The following OVCH1 variants were observed in gnomAD, a reference collection of about 807,000 sequenced individuals.
OVCH1 encodes the protein ovochymase 1.
A neutral mutation model predicts 138.4 loss-of-function variants in OVCH1; 139 were observed. That is an observed-to-expected ratio of 1.00 (90% confidence interval 0.87 to 1.16). The LOEUF (loss-of-function observed/expected upper bound fraction) is 1.16, where lower values mean the gene tolerates loss of function less well. Among genes scored for constraint, OVCH1 ranks in the 50% most tolerant of loss-of-function variants. OVCH1 has a pLI of 0.00. For synonymous variants in OVCH1, 453 were observed against 467.8 expected (o/e 0.97, Z 0.41); for missense variants, 1,367 against 1,357.9 (o/e 1.01, Z -0.11).
intron 26 of OVCH1, among the ~76,000 whole-genome samples, chr12:29,436,009 T>C (rs1045293041): frequency 4.5e-4 from 68 of 152,200 alleles, no homozygotes; most frequent in African/African-American, 1.5e-3. Flanking sequence ...AGACCTGTAT[T>C]TCATTTACTT....
chr12:29,421,564 T>C (rs1490630776), intron 3 of OVCH1, among the ~76,000 whole-genome samples: 3 of 152,168 alleles, frequency 2.0e-5, no homozygotes, highest in African/African-American at 4.8e-5. Flanking sequence ...TTATTGGTCA[T>C]TGTTCTTTCT....
At chr12:29,445,116 C>G (rs908878185) in intron 23 of OVCH1, among the ~76,000 whole-genome samples, 162 bp downstream of exon 23, 1 of 152,084 alleles carries the variant, frequency 6.6e-6, no homozygotes, top group Non-Finnish European at 1.5e-5. Context: ...TGGACCTGAT[C>G]AAATCTTAGG....
intron 1 of OVCH1, among the ~76,000 whole-genome samples, chr12:29,497,033 G>A (rs1185394128): frequency 2.0e-5 from 3 of 152,164 alleles, no homozygotes; most frequent in Admixed American, 2.0e-4. Context: ...CACTTTGGGA[G>A]GCCCAGGTAG....
intron 24 of OVCH1, 141 bp downstream of exon 24, chr12:29,444,004 A>G: frequency 2.3e-6 from 2 of 866,326 alleles, no homozygotes; most frequent in South Asian, 2.9e-5. Context: ...ATTAAAAGCC[A>G]TAGATTAGGG....
chr12:29,473,120 A>AG lies in OVCH1; in HGVS notation c.1601-18_1601-17insC, dbSNP rs1380498539. ...TTAAAGACTCTGTAGAAGAAAAAAA[A>AG]ATTAATTGAAAGTAATTAGAGAAGT... On this transcript the variant is annotated splice_polypyrimidine_tract_variant and intron_variant, in intron 14 of 27. Coordinates refer to ENST00000318184, the Ensembl canonical transcript of OVCH1. 1.6e-5 allele frequency: 25 copies of AG among 1,548,680 alleles called. No homozygotes were observed. Among genetic ancestry groups the AG allele is most frequent in the Middle Eastern group, 1.7e-4 (1 of 5,964 alleles).
At chr12:29,403,183 G>A in the OVCH1 span, among the ~76,000 whole-genome samples, 3 of 152,034 alleles carry the variant, frequency 2.0e-5, no homozygotes, top group Non-Finnish European at 4.4e-5. Flanking sequence ...ACAATTATTA[G>A]GCTGAATCAT....
rs770334249 is a variant in OVCH1, at chr12:29,461,955, CTCTT to C, written c.2175_2178del (p.Glu727SerfsTer18). The stretch of plus-strand genomic sequence containing the variant: ...GAATAGTAAGTGTGTTCACAGACCT[CTCTT>C]TCTAACACATGCACTTGAATCTGCT... On this transcript the variant is annotated frameshift_variant, in exon 19 of 28. Coordinates refer to ENST00000318184, the Ensembl canonical transcript of OVCH1. LOFTEE classifies it high-confidence loss of function. 1.9e-6 allele frequency: 3 copies of C among 1,613,850 alleles called. No individual in the cohort carries two copies. Among genetic ancestry groups the C allele is most frequent in the African/African-American group, 1.3e-5 (1 of 75,040 alleles).
At chr12:29,434,488 A>G (rs1941323180) in intron 26 of OVCH1, among the ~76,000 whole-genome samples, 1 of 152,110 alleles carries the variant, frequency 6.6e-6, no homozygotes, top group African/African-American at 2.4e-5. Context: ...CGATAACAAA[A>G]TTTTCCCAAT....
chr12:29,492,862 C>A (rs1199265664), intron 4 of OVCH1, among the ~76,000 whole-genome samples: 2 of 152,016 alleles, frequency 1.3e-5, no homozygotes, highest in Non-Finnish European at 2.9e-5. Flanking sequence ...AGAAAGGGTA[C>A]AATAGGGTAG....
intron 4 of OVCH1, among the ~76,000 whole-genome samples, chr12:29,492,774 A>T (rs1343680026): frequency 1.3e-5 from 2 of 152,100 alleles, no homozygotes; most frequent in African/African-American, 4.8e-5. Flanking sequence ...ACTAGAGAAT[A>T]AGATGTCCAG....
Position 29,476,198 on chromosome 12 carries a change from C to T in OVCH1, c.1471+8G>A, listed in dbSNP as rs146086068. On this transcript the variant is annotated splice_region_variant and intron_variant, in intron 13 of 27. Coordinates refer to ENST00000318184, the Ensembl canonical transcript of OVCH1. ...CACTTTCATATTTAAAGGGTGAAGTCTACCTACCTAACTTGTGCTTTTCTT... is the reference window on the plus strand; with the variant it reads ...CACTTTCATATTTAAAGGGTGAAGTTTACCTACCTAACTTGTGCTTTTCTT... 2.5e-6 allele frequency: 4 copies of T among 1,603,588 alleles called. No homozygotes were observed. In the African/African-American group the frequency reaches 5.3e-5, roughly 21 times the overall value.
downstream of OVCH1, among the ~76,000 whole-genome samples, chr12:29,409,008 G>T (rs974907576): frequency 5.3e-5 from 8 of 152,104 alleles, no homozygotes; most frequent in Admixed American, 3.9e-4. Context: ...TCTATTCAGA[G>T]ATTCAACTTC....
downstream of OVCH1, among the ~76,000 whole-genome samples, chr12:29,412,140 G>A (rs1483618586): frequency 4.6e-5 from 7 of 152,110 alleles, no homozygotes; most frequent in South Asian, 2.1e-4. Flanking sequence ...CTGGTGCGCC[G>A]TTTTTTAAGC....
intron 22 of OVCH1, among the ~76,000 whole-genome samples, chr12:29,449,408 G>A (rs1180990555): frequency 2.0e-5 from 3 of 151,802 alleles, no homozygotes; most frequent in African/African-American, 4.8e-5. Context: ...GAAAGCCGAT[G>A]GTAGCTTGAT....
chr12:29,449,281 A>T (rs1332270228), intron 22 of OVCH1, among the ~76,000 whole-genome samples: 1 of 86,342 alleles, frequency 1.2e-5, no homozygotes, highest in Non-Finnish European at 2.2e-5. Flanking sequence ...CTCCCTACAC[A>T]CACACACACA....
At chr12:29,416,936 CTG>C (rs1194980240) in intron 3 of OVCH1, among the ~76,000 whole-genome samples, 11 of 152,166 alleles carry the variant, frequency 7.2e-5, no homozygotes, top group African/African-American at 2.7e-4. Flanking sequence ...ATTAAACAAA[CTG>C]TGGTACATTC....
intron 18 of OVCH1, among the ~76,000 whole-genome samples, chr12:29,462,289 A>T (rs7964648): frequency 0.2 from 30,350 of 152,018 alleles, 3,772 homozygotes; most frequent in African/African-American, 0.36. Flanking sequence ...TAGTGTATCA[A>T]ATATTTCTGC....
At chr12:29,461,199 T>C (rs996473567) in intron 19 of OVCH1, among the ~76,000 whole-genome samples, 1 of 152,220 alleles carries the variant, frequency 6.6e-6, no homozygotes, top group Non-Finnish European at 1.5e-5. Context: ...TTTCCCTTAC[T>C]TGGGTAGCCC....
chr12:29,408,347 G>C (rs1330614114), downstream of OVCH1, among the ~76,000 whole-genome samples: 1 of 118,986 alleles, frequency 8.4e-6, no homozygotes, highest in African/African-American at 2.6e-5. Context: ...ACACTGTGTT[G>C]AATAGGAGTG....
Sources: allele counts gnomAD v4.1 joint callset (sites outside exome capture counted in the v4.1 genomes callset), GRCh38; gene constraint gnomAD v4.1.1; transcripts MANE v1.5; gene names NCBI Gene and HGNC (gene_info 2026-07-23, HGNC 2026-07-21).